CNTNAP4: variants seen among roughly 807,000 people sequenced by gnomAD.
The protein encoded by CNTNAP4 is contactin associated protein family member 4, also known as contactin-associated protein-like 4.
In CNTNAP4, 98 loss-of-function variants were observed where a neutral mutation model predicts 148.4. The ratio of observed to expected loss-of-function variants is 0.66; its 90% CI spans 0.56 to 0.78. CNTNAP4 has a LOEUF of 0.78. CNTNAP4 is among the 30% of genes least tolerant of loss of function. CNTNAP4 has a pLI of 0.00. For missense variants in CNTNAP4, 1,935 were observed against 1,565.6 expected, an observed-to-expected ratio of 1.24 and a Z score of -3.98; for synonymous variants, 730 against 565.1, an observed-to-expected ratio of 1.29 and a Z score of -4.14.
intron 1 of CNTNAP4, among the ~76,000 whole-genome samples, chr16:76,279,437 G>A (rs1424189298): frequency 6.6e-6 from 1 of 152,152 alleles, no homozygotes; most frequent in Admixed American, 6.5e-5. Context: ...GCTTTCTTTT[G>A]CCATATATCT....
At chr16:76,460,783 T>G (rs1333103590) in intron 8 of CNTNAP4, among the ~76,000 whole-genome samples, 1 of 76,686 alleles carries the variant, frequency 1.3e-5, no homozygotes, top group Non-Finnish European at 2.8e-5. Context: ...AATATATATA[T>G]ATATATATAT....
intron 3 of CNTNAP4, among the ~76,000 whole-genome samples, chr16:76,370,584 T>G (rs1187144587): frequency 6.6e-6 from 1 of 152,188 alleles, no homozygotes; most frequent in Non-Finnish European, 1.5e-5. Context: ...TGGGACACAG[T>G]CCACGTCACT....
chr16:76,525,715 T>C (rs140247417), intron 17 of CNTNAP4, among the ~76,000 whole-genome samples: 5,270 of 133,196 alleles, frequency 0.04, 290 homozygotes, highest in African/African-American at 0.13. Context: ...TAAACTATTA[T>C]ATACAATATA....
At chr16:76,520,975 A>G (rs550780100) in intron 15 of CNTNAP4, among the ~76,000 whole-genome samples, 165 bp from the exon 16 acceptor site, 10 of 152,294 alleles carry the variant, frequency 6.6e-5, no homozygotes, top group African/African-American at 2.2e-4. Flanking sequence ...TGATATACTC[A>G]TATCTTGTAT....
At chr16:76,522,547 T>TTGCC (rs750172150) in intron 17 of CNTNAP4, among the ~76,000 whole-genome samples, 17 of 151,660 alleles carry the variant, frequency 1.1e-4, no homozygotes, top group South Asian at 2.1e-4. Context: ...TAATTCCTAT[T>TTGCC]TGCCTGCCTG....
intron 4 of CNTNAP4, among the ~76,000 whole-genome samples, chr16:76,444,416 CTTTA>C (rs67569169): frequency 0.6 from 90,566 of 151,276 alleles, 27,590 homozygotes; most frequent in East Asian, 0.79. Context: ...TATTTCTTTG[CTTTA>C]TTTATTTCCA....
At chr16:76,285,685 G>A (rs558726111) in intron 1 of CNTNAP4, among the ~76,000 whole-genome samples, 4 of 152,026 alleles carry the variant, frequency 2.6e-5, no homozygotes, top group Non-Finnish European at 4.4e-5. Context: ...CCTAAATTAC[G>A]TTTATTGTAT....
intron 3 of CNTNAP4, among the ~76,000 whole-genome samples, chr16:76,398,787 TA>T (rs2144822177): frequency 6.6e-6 from 1 of 152,288 alleles, no homozygotes; most frequent in Admixed American, 6.5e-5. Flanking sequence ...TCTTTTTAAA[TA>T]ATATTGGGTG....
chr16:76,429,246 T>G (rs2079529036), intron 4 of CNTNAP4, among the ~76,000 whole-genome samples: 1 of 152,142 alleles, frequency 6.6e-6, no homozygotes, highest in Non-Finnish European at 1.5e-5. Context: ...AGTTGGACAG[T>G]AGTCTTATTT....
At chr16:76,493,373 G>C (rs1179981974) in intron 13 of CNTNAP4, among the ~76,000 whole-genome samples, 1 of 152,114 alleles carries the variant, frequency 6.6e-6, no homozygotes, top group East Asian at 1.9e-4. Flanking sequence ...AGTCATTTAG[G>C]AAAGTAATTA....
intron 8 of CNTNAP4, 100 bp from the exon 9 acceptor site, chr16:76,461,856 G>C (rs548593513): frequency 1.1e-6 from 1 of 937,400 alleles, no homozygotes; most frequent in Admixed American, 2.1e-5. Flanking sequence ...ATAGAGTTAA[G>C]TACTGTAGCC....
chr16:76,279,770 A>C (rs1958617602), intron 1 of CNTNAP4, among the ~76,000 whole-genome samples: 1 of 152,216 alleles, frequency 6.6e-6, no homozygotes, highest in Non-Finnish European at 1.5e-5. Flanking sequence ...TTTATTGTGA[A>C]TATTTTGACA....
intron 3 of CNTNAP4, among the ~76,000 whole-genome samples, chr16:76,389,187 A>C (rs2144752407): frequency 6.6e-6 from 1 of 152,338 alleles, no homozygotes. Context: ...CATGATGAGC[A>C]GAACAAGCTT....
chr16:76,397,573 A>G (rs955818935), intron 3 of CNTNAP4, among the ~76,000 whole-genome samples: 4 of 152,022 alleles, frequency 2.6e-5, no homozygotes, highest in African/African-American at 9.7e-5. Context: ...ATATATAGCA[A>G]CTGTTACATA....
At chr16:76,364,419 G>T (rs1303380976) in intron 3 of CNTNAP4, among the ~76,000 whole-genome samples, 2 of 151,936 alleles carry the variant, frequency 1.3e-5, no homozygotes, top group East Asian at 3.9e-4. Flanking sequence ...AATTTAATTT[G>T]GTGCCTCTTC....
chr16:76,527,546 G>T (rs1278412671), intron 17 of CNTNAP4, among the ~76,000 whole-genome samples: 1 of 152,166 alleles, frequency 6.6e-6, no homozygotes, highest in Non-Finnish European at 1.5e-5. Flanking sequence ...GCAAATGAAT[G>T]AGGTAAACGT....
chr16:76,368,287 A>C (rs969234483), intron 3 of CNTNAP4, among the ~76,000 whole-genome samples: 1 of 152,176 alleles, frequency 6.6e-6, no homozygotes, highest in African/African-American at 2.4e-5. Flanking sequence ...TTAATATCCA[A>C]ATCTCTGCTT....
At chr16:76,511,475 C>G (rs531604030) in intron 15 of CNTNAP4, among the ~76,000 whole-genome samples, 1 of 152,224 alleles carries the variant, frequency 6.6e-6, no homozygotes, top group East Asian at 1.9e-4. Context: ...TGGTTAATTT[C>G]TCTTTCATTT....
intron 15 of CNTNAP4, among the ~76,000 whole-genome samples, chr16:76,500,216 C>G (rs1000261330): frequency 6.6e-6 from 1 of 151,672 alleles, no homozygotes; most frequent in African/African-American, 2.4e-5. Flanking sequence ...GACGGGGCGG[C>G]TGGCCTGGCA....
Sources: gnomAD v4.1 joint callset for allele counts (sites outside exome capture counted in the v4.1 genomes callset) on GRCh38, gnomAD v4.1.1 for gene constraint, MANE v1.5 for transcripts, NCBI Gene and HGNC (gene_info 2026-07-23, HGNC 2026-07-21) for gene names.